TYW1: variants seen among roughly 807,000 people sequenced by gnomAD.
TYW1 encodes S-adenosyl-L-methionine-dependent tRNA 4-demethylwyosine synthase TYW1.
TYW1 carries 46 observed loss-of-function variants against 96.2 expected under a neutral mutation model. The ratio of observed to expected loss-of-function variants is 0.48; its 90% confidence interval spans 0.38 to 0.61. The LOEUF is 0.61. Ranked by LOEUF, TYW1 falls within the 20% of genes least tolerant of loss-of-function variation. The pLI is 0.00. For synonymous variants in TYW1, 274 were observed against 323.0 expected (o/e 0.85, Z 1.63); for missense variants, 684 against 909.6 (o/e 0.75, Z 3.19).
At chr7:67,190,965 TTA>T (rs201406735) in intron 14 of TYW1, among the ~76,000 whole-genome samples, 6,149 of 152,232 alleles carry the variant, frequency 0.04, 184 homozygotes, top group Middle Eastern at 0.099. Context: ...GAGGAAGACT[TTA>T]TGGCCCCATC....
chr7:67,106,566 A>G (rs1797251886), intron 12 of TYW1, among the ~76,000 whole-genome samples: 1 of 151,970 alleles, frequency 6.6e-6, no homozygotes, highest in African/African-American at 2.4e-5. Context: ...CCTCTGAGGA[A>G]CCTCAGAGAA....
At chr7:67,205,964 T>C (rs1800784383) in intron 15 of TYW1, among the ~76,000 whole-genome samples, 1 of 152,206 alleles carries the variant, frequency 6.6e-6, no homozygotes, top group Admixed American at 6.5e-5. Context: ...TTGAGAATCT[T>C]TTTGCTTGCC....
intron 8 of TYW1, 40 bp downstream of exon 8, chr7:67,050,106 T>C (rs1415459298): frequency 1.2e-6 from 2 of 1,604,228 alleles, no homozygotes; most frequent in East Asian, 2.2e-5. Flanking sequence ...GACTGTAGTC[T>C]TAGGCATTCT....
At chr7:67,198,672 A>G (rs934314422) in intron 15 of TYW1, among the ~76,000 whole-genome samples, 6 of 152,208 alleles carry the variant, frequency 3.9e-5, no homozygotes, top group Admixed American at 3.3e-4. Flanking sequence ...ACTCATTTGC[A>G]ACCTTTTAAA....
intron 15 of TYW1, among the ~76,000 whole-genome samples, chr7:67,223,224 A>G (rs530153503): frequency 1.1e-4 from 16 of 152,264 alleles, no homozygotes; most frequent in Admixed American, 5.9e-4. Flanking sequence ...GATGGACCGT[A>G]TATCACTGTT....
At chr7:67,125,499 C>T (rs998117739) in intron 13 of TYW1, among the ~76,000 whole-genome samples, 2 of 147,222 alleles carry the variant, frequency 1.4e-5, no homozygotes, top group Non-Finnish European at 3.0e-5. Flanking sequence ...TGCATGCGTA[C>T]ATTACCTCCT....
At chr7:67,223,286 T>C (rs1002016527) in intron 15 of TYW1, among the ~76,000 whole-genome samples, 1 of 152,192 alleles carries the variant, frequency 6.6e-6, no homozygotes, top group Non-Finnish European at 1.5e-5. Flanking sequence ...TTGTATCTTA[T>C]CATGTGGCCA....
intron 13 of TYW1, among the ~76,000 whole-genome samples, chr7:67,166,941 C>CA (rs1799353609): frequency 6.6e-6 from 1 of 152,164 alleles, no homozygotes; most frequent in African/African-American, 2.4e-5. Flanking sequence ...TAGATAGTGC[C>CA]AGACAATCGC....
intron 11 of TYW1, among the ~76,000 whole-genome samples, chr7:67,097,845 A>G (rs1036791904): frequency 6.8e-6 from 1 of 147,568 alleles, no homozygotes; most frequent in Non-Finnish European, 1.5e-5. Flanking sequence ...GACATGTGCC[A>G]CCATGCCCAG....
intron 9 of TYW1, among the ~76,000 whole-genome samples, chr7:67,064,009 C>T (rs529228855): frequency 6.8e-4 from 103 of 152,284 alleles, no homozygotes; most frequent in African/African-American, 2.2e-3. Context: ...AAAACATACA[C>T]AGGACTGGAT....
At chr7:67,071,652 G>A (rs112535685) in intron 10 of TYW1, among the ~76,000 whole-genome samples, 3 of 151,060 alleles carry the variant, frequency 2.0e-5, no homozygotes, top group South Asian at 2.1e-4. Flanking sequence ...ACAGAGTCTC[G>A]CTCTGTCACC....
intron 7 of TYW1, among the ~76,000 whole-genome samples, chr7:67,027,987 C>T (rs1794511951): frequency 2.0e-5 from 3 of 150,560 alleles, no homozygotes; most frequent in African/African-American, 7.3e-5. Context: ...GTAATCCCAG[C>T]ACTTTGGGAG....
At chr7:67,026,715 G>A (rs1360177190) in intron 7 of TYW1, among the ~76,000 whole-genome samples, 2 of 150,798 alleles carry the variant, frequency 1.3e-5, no homozygotes, top group Non-Finnish European at 3.0e-5. Flanking sequence ...TTTTTGAGAC[G>A]GAGTCTTGCT....
At chr7:67,139,753 G>A (rs1798383501) in intron 13 of TYW1, among the ~76,000 whole-genome samples, 1 of 151,586 alleles carries the variant, frequency 6.6e-6, no homozygotes, top group Non-Finnish European at 1.5e-5. Flanking sequence ...GTGTGTGTGT[G>A]TGTGTGTGTG....
At chr7:67,148,553 G>C (rs1316444886) in intron 13 of TYW1, among the ~76,000 whole-genome samples, 1 of 151,006 alleles carries the variant, frequency 6.6e-6, no homozygotes, top group African/African-American at 2.4e-5. Flanking sequence ...AGCCTCCCGA[G>C]TAGCTGGGAC....
intron 15 of TYW1, among the ~76,000 whole-genome samples, chr7:67,221,897 A>G (rs1273115313): frequency 6.6e-6 from 1 of 151,124 alleles, no homozygotes; most frequent in East Asian, 1.9e-4. Flanking sequence ...GTGTGTTAAC[A>G]TAGAAAACAA....
At chr7:67,068,459 A>C (rs1186270509) in intron 10 of TYW1, among the ~76,000 whole-genome samples, 1 of 152,178 alleles carries the variant, frequency 6.6e-6, no homozygotes, top group Admixed American at 6.5e-5. Flanking sequence ...AATAGAAGCT[A>C]CTTAATTCTT....
chr7:67,077,514 C>T (rs201884535), intron 10 of TYW1, among the ~76,000 whole-genome samples: 1 of 152,172 alleles, frequency 6.6e-6, no homozygotes, highest in African/African-American at 2.4e-5. Flanking sequence ...AAAAATGTGT[C>T]TGTTGGCTAC....
chr7:67,214,376 T>C (rs1801140739), intron 15 of TYW1, among the ~76,000 whole-genome samples: 1 of 152,206 alleles, frequency 6.6e-6, no homozygotes, highest in Non-Finnish European at 1.5e-5. Flanking sequence ...AATCACTTGT[T>C]AGTTCCTAGA....
Sources: gnomAD v4.1 joint callset for allele counts (sites outside exome capture counted in the v4.1 genomes callset) on GRCh38, gnomAD v4.1.1 for gene constraint, MANE v1.5 for transcripts, NCBI Gene and HGNC (gene_info 2026-07-23, HGNC 2026-07-21) for gene names.